The following BCLAF3 variants were observed in gnomAD, a reference collection of about 807,000 sequenced individuals.
BCLAF3 encodes the protein transient octamer binding factor 1.
A neutral mutation model predicts 51.2 loss-of-function variants in BCLAF3; 24 were observed. The observed-to-expected ratio is 0.47, with a 90% confidence interval of 0.34 to 0.66. The LOEUF is 0.66. Ranked by LOEUF, BCLAF3 falls within the 30% of genes least tolerant of loss-of-function variation. BCLAF3 has a pLI of 0.01. For synonymous variants in BCLAF3, 152 were observed against 176.6 expected (o/e 0.86, Z 1.10); for missense variants, 465 against 525.1 (o/e 0.89, Z 1.12).
intron 4 of BCLAF3, among the ~76,000 whole-genome samples, chrX:19,956,572 C>T (rs1389582333): frequency 1.8e-5 from 2 of 111,665 alleles, no homozygotes; most frequent in African/African-American, 6.5e-5. Context: ...AATGCTTTGT[C>T]TGCAGGCACC....
At chrX:19,969,479 AT>A (rs1455157917) in intron 2 of BCLAF3, among the ~76,000 whole-genome samples, 3 of 112,359 alleles carry the variant, frequency 2.7e-5, no homozygotes, top group African/African-American at 9.7e-5. Flanking sequence ...AGTTCTACAC[AT>A]CCTGAAACGC....
Position 19,965,058 on chromosome X carries a change from T to G in BCLAF3, c.1260A>C (p.Thr420=). ...SLTVKVDVKK[T]VDTFRVASSY... is the part of the protein sequence containing the mutation. Reference sequence around the variant, plus strand: ...AAAGATAATACCTGAATGTATCTACTGTTTTCTTCACATCTACTTTAACTG... The same window carrying G: ...AAAGATAATACCTGAATGTATCTACGGTTTTCTTCACATCTACTTTAACTG... The change falls in exon 4 of 12, where the codon ACA becomes ACC. Residue 420 remains threonine, a synonymous_variant. Transcript: ENST00000379682. 8.6e-7 allele frequency: 1 copy of G among 1,161,963 alleles called. No individual in the cohort carries two copies. The highest frequency in any genetic ancestry group is 1.1e-6 in the Non-Finnish European group (1 of 873,707).
chrX:19,940,332 T>C (rs868684710), intron 8 of BCLAF3, among the ~76,000 whole-genome samples: 4 of 109,222 alleles, frequency 3.7e-5, no homozygotes, highest in African/African-American at 1.3e-4. Context: ...ATTGTGCAGG[T>C]TAGTTACATA....
chrX:19,931,137 A>C (rs1397059684), intron 10 of BCLAF3, among the ~76,000 whole-genome samples: 1 of 112,573 alleles, frequency 8.9e-6, no homozygotes, highest in South Asian at 3.6e-4. Flanking sequence ...TACATTAGAC[A>C]TAAGAGGACA....
At position 19,965,352 on chromosome X, in the gene BCLAF3, T is replaced by C. The variant is rs2072014402; in HGVS notation, c.966A>G (p.Leu322=). 1 of 1,211,573 alleles carries C rather than the reference T, an allele frequency of 8.3e-7. No individual in the cohort carries two copies. The change falls in exon 4 of 12, where the codon TTA becomes TTG. Residue 322 remains leucine, a synonymous_variant. Coordinates refer to ENST00000379682, the MANE Select transcript of BCLAF3 (RefSeq NM_001367774.2). ...TCCCTCTTCCAGTATTAAAACAATC[T>C]AACTCTCTATTTAGAGGGCCTTTTT... ...SFQKGPLNRE[L]DCFNTGRGRE... is the part of the protein sequence containing the mutation.
chrX:19,977,653 G>A (rs1382219303), intron 1 of BCLAF3, among the ~76,000 whole-genome samples: 5 of 112,667 alleles, frequency 4.4e-5, no homozygotes, highest in South Asian at 3.6e-4. Context: ...AAGTGCTGAC[G>A]GAGAAGCTGC....
At chrX:19,957,794 C>T (rs1317709010) in intron 4 of BCLAF3, among the ~76,000 whole-genome samples, 4 of 111,802 alleles carry the variant, frequency 3.6e-5, no homozygotes, top group African/African-American at 1.3e-4. Flanking sequence ...AGAAAATATA[C>T]ATTTAACATA....
At chrX:19,963,780 G>A (rs938454229) in intron 4 of BCLAF3, among the ~76,000 whole-genome samples, 4 of 111,482 alleles carry the variant, frequency 3.6e-5, no homozygotes, top group African/African-American at 9.8e-5. Flanking sequence ...CTGGGAGGCC[G>A]AGGCGAGAGG....
At chrX:19,920,482 C>T (rs2070767175) in intron 11 of BCLAF3, among the ~76,000 whole-genome samples, 1 of 110,976 alleles carries the variant, frequency 9.0e-6, no homozygotes, top group Admixed American at 9.7e-5. Context: ...ATTCAATAAG[C>T]ATTTTCTGAA....
intron 4 of BCLAF3, among the ~76,000 whole-genome samples, chrX:19,960,772 A>G (rs1010580152): frequency 1.3e-4 from 15 of 111,369 alleles, no homozygotes; most frequent in African/African-American, 4.6e-4. Flanking sequence ...CAGGGTCCCA[A>G]TGTCCTCTGG....
chrX:19,950,863 C>G lies in BCLAF3; in HGVS notation c.1635G>C (p.Leu545=). The part of the protein sequence containing the change: ...QAVIYESEQT[L]IKIIDPNDLR... ...GGTCATTTGGATCTATTATTTTGATCAGAGTCTGAGGAATTTTGACAGAAG... is the reference window on the plus strand; with the variant it reads ...GGTCATTTGGATCTATTATTTTGATGAGAGTCTGAGGAATTTTGACAGAAG... Residue 545 remains leucine, a synonymous_variant, in exon 8 of 12, where the codon CTG becomes CTC. Transcript: ENST00000379682. The G allele has an allele frequency of 1.7e-6, 2 of 1,187,860 alleles. No individual in the cohort carries two copies. Among genetic ancestry groups the G allele is most frequent in the Non-Finnish European group, 2.3e-6 (2 of 874,932 alleles).
chrX:19,934,625 A>G (rs990673464), intron 10 of BCLAF3, among the ~76,000 whole-genome samples: 1 of 112,121 alleles, frequency 8.9e-6, no homozygotes, highest in African/African-American at 3.2e-5. Flanking sequence ...CAAGAAGCCA[A>G]TATTAATAGA....
intron 11 of BCLAF3, among the ~76,000 whole-genome samples, chrX:19,919,484 T>A (rs967170026): frequency 9.1e-6 from 1 of 109,343 alleles, no homozygotes; most frequent in African/African-American, 3.3e-5. Context: ...GAGGCGGAGG[T>A]TGCAGTGAGC....
In BCLAF3 at chrX:19,935,887, C is replaced by T. The variant is rs774786522; in HGVS notation, c.1872G>A (p.Thr624=). ...CIEKPYMNYT[T]QRKDIITHKP... is the part of the protein sequence containing the mutation. Reference sequence around the variant, plus strand: ...TGTGAGTAATTATGTCTTTTCTCTGCGTAGTATAATTCTGCACGAAAAAAA... The same window carrying T: ...TGTGAGTAATTATGTCTTTTCTCTGTGTAGTATAATTCTGCACGAAAAAAA... Residue 624 remains threonine (T), a synonymous_variant, in exon 10 of 12, where the codon ACG becomes ACA. Transcript: ENST00000379682. 73 of 1,204,077 alleles carry T rather than the reference C, an allele frequency of 6.1e-5. No homozygotes were observed. The highest frequency in any genetic ancestry group is 1.2e-4 in the African/African-American group (7 of 56,904).
intron 1 of BCLAF3, among the ~76,000 whole-genome samples, chrX:19,981,961 G>T (rs972873986): frequency 1.8e-5 from 2 of 111,152 alleles, no homozygotes; most frequent in African/African-American, 3.3e-5. Context: ...GGTGATGGTT[G>T]CACAACTCTA....
In BCLAF3 at chrX:19,915,784, AAATC is replaced by A. The variant is rs2069924865; in HGVS notation, c.*1517_*1520del. 8.9e-6 allele frequency: 1 copy of A among 112,093 alleles called. No individual in the cohort carries two copies. The highest frequency in any genetic ancestry group is 9.6e-5 in the Admixed American group (1 of 10,449). The allele number at this position is 112,093 out of a possible 1,213,427, so 9.2% of individuals were successfully genotyped here. On this transcript the variant is annotated 3_prime_UTR_variant, in exon 12 of 12. Transcript: ENST00000379682. ...GTCCCCTAGAATATGGGAGTAAATG[AAATC>A]AATTATTTTAAAATTTAAGACAGAT...
At chrX:19,989,147 A>C (rs941079372) in intron 1 of BCLAF3, among the ~76,000 whole-genome samples, 41 of 109,145 alleles carry the variant, frequency 3.8e-4, no homozygotes, top group Non-Finnish European at 6.3e-4. Flanking sequence ...AAAAAAAAAA[A>C]CCCTTATGTG....
Position 19,916,202 on chromosome X carries a change from A to AT in BCLAF3, c.*1102dup, listed in dbSNP as rs2069934485. 1 of 112,876 alleles carries AT rather than the reference A, an allele frequency of 8.9e-6. No individual in the cohort carries two copies. The highest frequency in any genetic ancestry group is 9.4e-5 in the Admixed American group (1 of 10,604). The allele number at this position is 112,876 out of a possible 1,213,427, so 9.3% of individuals were successfully genotyped here. A position where few individuals can be genotyped will look rare whatever the true frequency, so the allele number is the denominator to read the frequency against. ...TTAAACAGAGGTGCTATCCAAGGCT[A>AT]TAAGTCTCAAACAAAATTAAAATAA... On this transcript the variant is annotated 3_prime_UTR_variant, in exon 12 of 12. Transcript: ENST00000379682.
chrX:19,921,411 A>G (rs2070152570), intron 11 of BCLAF3, among the ~76,000 whole-genome samples: 1 of 112,415 alleles, frequency 8.9e-6, no homozygotes, highest in African/African-American at 3.2e-5. Context: ...TTTATTGGGG[A>G]AAAAAGTTAG....
Sources: allele counts gnomAD v4.1 joint callset (sites outside exome capture counted in the v4.1 genomes callset), GRCh38; gene constraint gnomAD v4.1.1; transcripts MANE v1.5; gene names NCBI Gene and HGNC (gene_info 2026-07-23, HGNC 2026-07-21).